The following TTC23 variants were observed in gnomAD, a reference collection of about 807,000 sequenced individuals.
TTC23 encodes the protein tetratricopeptide repeat domain 23, also known as tetratricopeptide repeat protein 23.
TTC23 carries 58 observed loss-of-function variants against 55.1 expected under a neutral mutation model. The observed-to-expected ratio is 1.05, with a 90% confidence interval of 0.85 to 1.31. The LOEUF (loss-of-function observed/expected upper bound fraction) is 1.31. Ranked by LOEUF, TTC23 falls within the 50% of genes most tolerant of loss-of-function variation. The pLI, the probability that TTC23 is intolerant of heterozygous loss-of-function variation, is 0.00. For synonymous variants in TTC23, 203 were observed against 199.9 expected (o/e 1.02, Z -0.13); for missense variants, 516 against 534.4 (o/e 0.97, Z 0.34).
At chr15:99,188,068 A>G (rs551502656) in intron 9 of TTC23, among the ~76,000 whole-genome samples, 1 of 152,204 alleles carries the variant, frequency 6.6e-6, no homozygotes, top group East Asian at 1.9e-4. Flanking sequence ...ATTATTCATA[A>G]TAGCCCAAAA....
chr15:99,183,278 TG>T (rs2074324029), intron 9 of TTC23, among the ~76,000 whole-genome samples: 1 of 152,018 alleles, frequency 6.6e-6, no homozygotes, highest in African/African-American at 2.4e-5. Flanking sequence ...ACTCTGAACT[TG>T]AGAGAGAAGA....
At chr15:99,170,032 G>A (rs2072699570) in intron 10 of TTC23, among the ~76,000 whole-genome samples, 1 of 152,122 alleles carries the variant, frequency 6.6e-6, no homozygotes, top group Non-Finnish European at 1.5e-5. Context: ...TATTCTTTAG[G>A]AGATGAGTTA....
intron 11 of TTC23, chr15:99,157,620 C>A (rs2070791258): frequency 6.6e-6 from 1 of 152,160 alleles, no homozygotes; most frequent in African/African-American, 2.4e-5. Context: ...TATAGAACAT[C>A]CTGAACACAC....
At chr15:99,212,062 C>G (rs777990248) in intron 8 of TTC23, among the ~76,000 whole-genome samples, 4 of 152,154 alleles carry the variant, frequency 2.6e-5, no homozygotes, top group Non-Finnish European at 5.9e-5. Context: ...TGTTGATGCT[C>G]TGAGGAAATA....
In TTC23 at chr15:99,136,940, G is replaced by A. The variant is rs77124139; in HGVS notation, c.*1070C>T. On this transcript the variant is annotated 3_prime_UTR_variant, in exon 14 of 14. Coordinates refer to ENST00000394132, the MANE Select transcript of TTC23 (RefSeq NM_001288615.3). ...TTTCCCCATCAATACTGGAGGTGGT[G>A]CCCTGCACAAATGGCCCCAGGGTGG... 2,146 of 152,384 alleles carry A rather than the reference G, an allele frequency of 0.014. 17 individuals carry two copies. The highest frequency in any genetic ancestry group is 0.046 in the East Asian group (238 of 5,164). 9.4% of individuals were successfully genotyped at this position (152,384 alleles called of 1,614,324 possible). A position where few individuals can be genotyped will look rare whatever the true frequency, so the allele number is the denominator to read the frequency against.
chr15:99,198,988 T>C (rs1489357029), intron 9 of TTC23, among the ~76,000 whole-genome samples: 2 of 152,212 alleles, frequency 1.3e-5, no homozygotes, highest in African/African-American at 2.4e-5. Context: ...TAATTTTACA[T>C]GTGAACTCGG....
chr15:99,191,115 C>G (rs965600501), intron 9 of TTC23, among the ~76,000 whole-genome samples: 15 of 152,168 alleles, frequency 9.9e-5, no homozygotes, highest in African/African-American at 3.6e-4. Flanking sequence ...CAACTGGGAC[C>G]TGGGGACACT....
At chr15:99,248,883 G>T (rs1350523529) in intron 1 of TTC23, among the ~76,000 whole-genome samples, 2 of 151,980 alleles carry the variant, frequency 1.3e-5, no homozygotes, top group Non-Finnish European at 2.9e-5. Context: ...TCTGCTTCAG[G>T]TATCTGTAGT....
chr15:99,182,752 T>C (rs1459553113), intron 9 of TTC23, among the ~76,000 whole-genome samples: 1 of 152,126 alleles, frequency 6.6e-6, no homozygotes, highest in African/African-American at 2.4e-5. Flanking sequence ...GTGGCATATA[T>C]TTGACCTTTC....
At chr15:99,227,623 C>A (rs1193587871) in intron 5 of TTC23, among the ~76,000 whole-genome samples, 1 of 152,190 alleles carries the variant, frequency 6.6e-6, no homozygotes, top group Non-Finnish European at 1.5e-5. Flanking sequence ...TTTCACTAGG[C>A]CTTGAGTGCC....
upstream of TTC23, chr15:99,251,148 A>G (rs981779488): frequency 3.9e-5 from 6 of 152,218 alleles, no homozygotes; most frequent in African/African-American, 1.4e-4. Flanking sequence ...GGAGCCGACT[A>G]AATTACCCCT....
intron 8 of TTC23, among the ~76,000 whole-genome samples, chr15:99,203,336 A>G (rs2076348558): frequency 6.6e-6 from 1 of 152,122 alleles, no homozygotes; most frequent in Non-Finnish European, 1.5e-5. Context: ...AAAATTTTAA[A>G]TTATTATGGA....
intron 4 of TTC23, among the ~76,000 whole-genome samples, chr15:99,229,817 G>T: frequency 6.6e-6 from 1 of 152,190 alleles, no homozygotes; most frequent in Admixed American, 6.5e-5. Context: ...GATAGTTAGA[G>T]TACTCAGAAG....
upstream of TTC23, chr15:99,251,039 T>C (rs1489155612): frequency 8.1e-6 from 1 of 123,306 alleles, no homozygotes; most frequent in East Asian, 2.4e-4. Flanking sequence ...CGTGGGATCA[T>C]TGTTGTAATC....
intron 3 of TTC23, among the ~76,000 whole-genome samples, chr15:99,238,213 C>T (rs1234189453): frequency 6.6e-6 from 1 of 152,080 alleles, no homozygotes; most frequent in African/African-American, 2.4e-5. Context: ...AAGTGATCAG[C>T]CCACCTCGGC....
intron 8 of TTC23, among the ~76,000 whole-genome samples, chr15:99,211,889 T>C (rs761431890): frequency 5.3e-5 from 8 of 152,102 alleles, no homozygotes; most frequent in Non-Finnish European, 8.8e-5. Flanking sequence ...GAGATGGGGA[T>C]TCACCATGTT....
chr15:99,155,963 T>TA (rs2151880053), intron 12 of TTC23, 185 bp downstream of exon 12: 3 of 687,858 alleles, frequency 4.4e-6, no homozygotes, highest in Non-Finnish European at 7.2e-6. Context: ...TATGTATGTC[T>TA]AAGAGGCTTA....
intron 8 of TTC23, among the ~76,000 whole-genome samples, chr15:99,205,638 G>A (rs542152931): frequency 1.6e-3 from 248 of 150,538 alleles, no homozygotes; most frequent in African/African-American, 5.8e-3. Context: ...AAATGCTACT[G>A]ATTTTTGTAT....
chr15:99,200,004 C>G lies in TTC23; in HGVS notation c.674G>C (p.Arg225Pro), dbSNP rs374470211. ...TTCTCTCAATATGGGTACACACTCA[C>G]GACTTGTTTCACCTTTACTGATCTC... ...YVEISKGETS[R>P]ECVPILRELA... Residue 225 changes from arginine to proline, a missense_variant, in exon 9 of 14, where the codon CGT (arginine) becomes CCT (proline). Physicochemically the swap from Arg to Pro is moderately radical, Grantham distance 103. Transcript: ENST00000394132. The G allele has an allele frequency of 6.7e-5, 108 of 1,613,932 alleles. No homozygotes were observed. The highest frequency in any genetic ancestry group is 8.9e-5 in the Non-Finnish European group (105 of 1,180,000).
Sources: allele counts gnomAD v4.1 joint callset (sites outside exome capture counted in the v4.1 genomes callset), GRCh38; gene constraint gnomAD v4.1.1; transcripts MANE v1.5; gene names NCBI Gene and HGNC (gene_info 2026-07-23, HGNC 2026-07-21).